ESF1: variants seen among roughly 807,000 people sequenced by gnomAD.
The protein encoded by ESF1 is ESF1 homolog.
Under a neutral mutation model 92.0 loss-of-function variants are expected in ESF1, and 58 were observed. The ratio of observed to expected loss-of-function variants is 0.63; its 90% CI spans 0.51 to 0.78. ESF1 has a LOEUF of 0.78. Ranked by LOEUF, ESF1 falls within the 30% of genes least tolerant of loss-of-function variation. The pLI, the probability that ESF1 is intolerant of heterozygous loss-of-function variation, is 0.00. For synonymous variants in ESF1, 321 were observed against 313.7 expected, an observed-to-expected ratio of 1.02 and a Z score of -0.24; for missense variants, 922 against 989.1, an observed-to-expected ratio of 0.93 and a Z score of 0.91.
chr20:13,750,168 G>C (rs1421077555), intron 9 of ESF1, among the ~76,000 whole-genome samples: 1 of 152,144 alleles, frequency 6.6e-6, no homozygotes, highest in African/African-American at 2.4e-5. Context: ...CCCAGAGTGA[G>C]ATTAAATTTT....
chr20:13,781,942 T>A (rs562884036), intron 2 of ESF1, among the ~76,000 whole-genome samples: 2 of 152,310 alleles, frequency 1.3e-5, no homozygotes, highest in South Asian at 2.1e-4. Context: ...AGTGGTGCAA[T>A]CTCAGCTTAT....
At chr20:13,766,155 A>G (rs1322338489) in intron 8 of ESF1, among the ~76,000 whole-genome samples, 3 of 152,142 alleles carry the variant, frequency 2.0e-5, no homozygotes, top group Admixed American at 2.0e-4. Flanking sequence ...TAATGACGAG[A>G]TCTAACATGT....
chr20:13,776,283 A>G lies in ESF1; in HGVS notation c.638-13T>C. On this transcript the variant is annotated splice_polypyrimidine_tract_variant and intron_variant, in intron 2 of 13. Transcript: ENST00000617257. ...ATGAGTTGAACCACTGCAAAATGTT[A>G]AAGGGGAAAGAAATTAAGAAAAGAT... is the stretch of plus-strand genomic sequence containing the variant. 2 of 1,588,168 alleles carry G rather than the reference A, an allele frequency of 1.3e-6. No individual in the cohort carries two copies. The highest frequency in any genetic ancestry group is 1.7e-6 in the Non-Finnish European group (2 of 1,168,686).
In ESF1 at chr20:13,759,772, CTG is replaced by C. The variant is rs772959375; in HGVS notation, c.1746_1747del (p.Tyr582Ter). On this transcript the variant is annotated stop_gained and frameshift_variant, in exon 9 of 14. Transcript: ENST00000617257. LOFTEE classifies it high-confidence loss of function. ...TTCTTGAATAACCTGCAAGAGCTGC[CTG>C]TATTTAGCAATTTGTTCTTCATCAT... is the stretch of plus-strand genomic sequence containing the variant. 6.3e-7 allele frequency: 1 copy of C among 1,580,618 alleles called. No homozygotes were observed. The highest frequency in any genetic ancestry group is 1.2e-5 in the South Asian group (1 of 85,294).
chr20:13,752,496 A>AT (rs1259489623), intron 9 of ESF1, among the ~76,000 whole-genome samples: 1 of 152,198 alleles, frequency 6.6e-6, no homozygotes, highest in African/African-American at 2.4e-5. Flanking sequence ...GCCAAAAAAA[A>AT]TTTTTCTGAA....
chr20:13,748,590 A>T (rs956360969), intron 9 of ESF1, among the ~76,000 whole-genome samples: 21,259 of 90,362 alleles, frequency 0.24, 2,607 homozygotes, highest in South Asian at 0.3. Context: ...ATATATATAT[A>T]TATTTTTTTT....
rs767598934 is a variant in ESF1 at position 13,771,326 on chromosome 20, A to T, written c.1403+5T>A. 33 of 1,609,968 alleles carry T rather than the reference A, an allele frequency of 2.0e-5. No individual in the cohort carries two copies. Among genetic ancestry groups the T allele is most frequent in the Admixed American group, 3.3e-5 (2 of 59,848 alleles). ...ATTAAATTGGTAATACATACACTGG[A>T]TTACCTTAGATCTATGAAAGAACAA... is the stretch of plus-strand genomic sequence containing the variant. On this transcript the variant is annotated splice_donor_5th_base_variant and intron_variant, in intron 6 of 13. Coordinates refer to ENST00000617257, the MANE Select transcript of ESF1 (RefSeq NM_001276380.2).
chr20:13,729,832 C>CT (rs1170981690), intron 10 of ESF1, among the ~76,000 whole-genome samples: 3 of 152,142 alleles, frequency 2.0e-5, no homozygotes, highest in African/African-American at 7.2e-5. Context: ...TTTGAACAGA[C>CT]TTTTTACTAA....
intron 2 of ESF1, 79 bp downstream of exon 2, chr20:13,782,425 A>T: frequency 8.4e-7 from 1 of 1,186,002 alleles, no homozygotes; most frequent in Non-Finnish European, 1.1e-6. Context: ...AATACTTATT[A>T]ATGTGTTTAC....
intron 9 of ESF1, among the ~76,000 whole-genome samples, chr20:13,746,816 C>T (rs1459090727): frequency 6.6e-6 from 1 of 152,204 alleles, no homozygotes; most frequent in East Asian, 1.9e-4. Context: ...ATAACAGTCA[C>T]AACTAAATTC....
At chr20:13,755,092 G>C (rs1214306145) in intron 9 of ESF1, among the ~76,000 whole-genome samples, 1 of 152,164 alleles carries the variant, frequency 6.6e-6, no homozygotes, top group Non-Finnish European at 1.5e-5. Context: ...TAAGATCTGT[G>C]AGTTCAGGGA....
chr20:13,765,308 A>G (rs909776114), intron 8 of ESF1, among the ~76,000 whole-genome samples: 1 of 152,246 alleles, frequency 6.6e-6, no homozygotes, highest in Non-Finnish European at 1.5e-5. Flanking sequence ...TAACCCTTTC[A>G]CTGAAGATAT....
rs867638012 is a variant in ESF1, at chr20:13,751,747, T to C, written c.1828+7945A>G. On this transcript the variant is annotated intron_variant, in intron 9 of 13. Transcript: ENST00000617257. Reference sequence around the variant, plus strand: ...GGCTGGGCGTGGTGGCTCATGCCTGTAATCCCAGCACTTTGGGAGGCTGAG... The same window carrying C: ...GGCTGGGCGTGGTGGCTCATGCCTGCAATCCCAGCACTTTGGGAGGCTGAG... Among the ~76,000 whole-genome samples, 4 of 152,352 alleles carry C rather than the reference T, an allele frequency of 2.6e-5. No individual in the cohort carries two copies. The Middle Eastern group carries it at 0.01, about 389-fold the overall frequency.
chr20:13,778,001 G>T (rs766091511), intron 2 of ESF1, among the ~76,000 whole-genome samples: 3 of 152,158 alleles, frequency 2.0e-5, no homozygotes, highest in Non-Finnish European at 4.4e-5. Flanking sequence ...TTTGTAACAC[G>T]ATCTCATGCT....
chr20:13,751,033 A>T (rs965567958), intron 9 of ESF1, among the ~76,000 whole-genome samples: 2 of 152,240 alleles, frequency 1.3e-5, no homozygotes, highest in African/African-American at 4.8e-5. Context: ...TCAAAAACGT[A>T]TCTGTGAGAA....
intron 6 of ESF1, among the ~76,000 whole-genome samples, 190 bp from the exon 7 acceptor site, chr20:13,770,211 A>G (rs940515153): frequency 6.6e-6 from 1 of 152,340 alleles, no homozygotes; most frequent in East Asian, 1.9e-4. Context: ...TCTGAAATTC[A>G]TAAGCTATAA....
At chr20:13,766,365 T>G (rs1271470619) in intron 8 of ESF1, among the ~76,000 whole-genome samples, 3 of 152,168 alleles carry the variant, frequency 2.0e-5, no homozygotes. Context: ...CAGAAAACTC[T>G]AAAAGCAGTC....
At chr20:13,765,941 TTC>T (rs1242767402) in intron 8 of ESF1, among the ~76,000 whole-genome samples, 1 of 152,170 alleles carries the variant, frequency 6.6e-6, no homozygotes, top group Non-Finnish European at 1.5e-5. Context: ...AAAGTGGTAT[TTC>T]TGACTTGAGA....
chr20:13,776,974 G>A (rs940889183), intron 2 of ESF1, among the ~76,000 whole-genome samples: 18 of 152,184 alleles, frequency 1.2e-4, no homozygotes, highest in African/African-American at 4.3e-4. Context: ...AAACCATATA[G>A]AGAGCTTGGA....
Sources: allele counts gnomAD v4.1 joint callset (sites outside exome capture counted in the v4.1 genomes callset), GRCh38; gene constraint gnomAD v4.1.1; transcripts MANE v1.5; gene names NCBI Gene and HGNC (gene_info 2026-07-23, HGNC 2026-07-21).